Variants in DENND4C observed in about 807,000 individuals in gnomAD.
The protein encoded by DENND4C is DENN domain-containing protein 4C.
A neutral mutation model predicts 203.0 loss-of-function variants in DENND4C; 108 were observed. The ratio of observed to expected loss-of-function variants is 0.53; its 90% confidence interval spans 0.46 to 0.62. The LOEUF (loss-of-function observed/expected upper bound fraction) is 0.62, where lower values mean the gene tolerates loss of function less well. DENND4C is among the 20% of genes least tolerant of loss of function. The pLI is 0.00. For missense variants in DENND4C, 2,481 were observed against 2,301.2 expected (o/e 1.08, Z -1.60); for synonymous variants, 871 against 792.4 (o/e 1.10, Z -1.67).
At chr9:19,264,967 G>A (rs1166836812) in intron 1 of DENND4C, among the ~76,000 whole-genome samples, 1 of 151,920 alleles carries the variant, frequency 6.6e-6, no homozygotes, top group East Asian at 1.9e-4. Context: ...GTATCCTGTA[G>A]GTTTTAGTAT....
At chr9:19,298,766 A>T (rs1005812277) in intron 7 of DENND4C, among the ~76,000 whole-genome samples, 1 of 152,132 alleles carries the variant, frequency 6.6e-6, no homozygotes, top group Non-Finnish European at 1.5e-5. Flanking sequence ...GCACTGATCT[A>T]TAGAGGGAAG....
intron 10 of DENND4C, among the ~76,000 whole-genome samples, chr9:19,314,523 T>C (rs1287484542): frequency 6.6e-6 from 1 of 151,998 alleles, no homozygotes; most frequent in Admixed American, 6.6e-5. Context: ...AAGAACTAAT[T>C]CATGTAACCA....
intron 18 of DENND4C, among the ~76,000 whole-genome samples, chr9:19,335,418 T>A (rs1313150270): frequency 2.0e-5 from 3 of 152,132 alleles, no homozygotes; most frequent in African/African-American, 7.2e-5. Context: ...TTAACTGTAG[T>A]CCCCATGTTG....
At chr9:19,315,638 A>G (rs1841696653) in intron 10 of DENND4C, among the ~76,000 whole-genome samples, 1 of 150,664 alleles carries the variant, frequency 6.6e-6, no homozygotes, top group Admixed American at 6.6e-5. Context: ...ATATTTTCGG[A>G]ATATAAAATT....
chr9:19,263,320 T>C (rs1829800302), intron 1 of DENND4C, among the ~76,000 whole-genome samples: 1 of 152,128 alleles, frequency 6.6e-6, no homozygotes, highest in South Asian at 2.1e-4. Flanking sequence ...TTTTAATACG[T>C]TGTTGAATTT....
rs1276797672 is a variant in DENND4C, at chr9:19,335,046, T to C, written c.2530T>C (p.Phe844Leu). ...TCCTGTTTTAGCAGTGAGAGTCTTA[T>C]TTGAAATGAAAACTGCTAGGATAAA... The part of the protein sequence containing the change: ...GHPVLAVRVL[F>L]EMKTARIKPN... Residue 844 changes from phenylalanine to leucine, a missense_variant, in exon 18 of 33, where the codon TTT becomes CTT. Physicochemically the swap from Phe to Leu is conservative, Grantham distance 22. Around this residue, in one of 3 missense-constraint regions of DENND4C, gnomAD observed 2,289 missense variants for 2,113.3 expected, o/e 1.08. Transcript: ENST00000434457. The C allele has an allele frequency of 6.2e-7, 1 of 1,612,896 alleles. No individual in the cohort carries two copies. The highest frequency in any genetic ancestry group is 2.2e-5 in the East Asian group (1 of 44,826).
At chr9:19,350,176 T>C (rs73648906) in intron 23 of DENND4C, among the ~76,000 whole-genome samples, 7,824 of 152,274 alleles carry the variant, frequency 0.051, 634 homozygotes, top group African/African-American at 0.17. Context: ...CTAATATTGA[T>C]ATTTGTTATT....
intron 12 of DENND4C, among the ~76,000 whole-genome samples, chr9:19,319,035 G>A (rs1325109066): frequency 6.6e-6 from 1 of 151,812 alleles, no homozygotes; most frequent in Admixed American, 6.6e-5. Context: ...CAGGCATGGT[G>A]GTGCATGCCT....
chr9:19,325,057 A>G lies in DENND4C; in HGVS notation c.1953+550A>G, dbSNP rs148064546. Among the ~76,000 whole-genome samples, 224 of 152,222 alleles carry G rather than the reference A, an allele frequency of 1.5e-3. 3 individuals are homozygous for G. The highest frequency in any genetic ancestry group is 0.013 in the East Asian group (67 of 5,170). The stretch of plus-strand genomic sequence containing the variant: ...TAAATCTCACTTTCGTTTTACAACT[A>G]TTGAGTTGTAAAACTAAGAACATTT... On this transcript the variant is annotated intron_variant, in intron 13 of 32. Coordinates refer to ENST00000434457, the MANE Select transcript of DENND4C (RefSeq NM_001330640.2).
In DENND4C at chr9:19,250,487, C is replaced by T. The variant is rs543025247; in HGVS notation, c.-18+19654C>T. Among the ~76,000 whole-genome samples, 14 of 152,160 alleles carry T rather than the reference C, an allele frequency of 9.2e-5. No homozygotes were observed. In the South Asian group the frequency reaches 2.9e-3, roughly 32 times the overall value. On this transcript the variant is annotated intron_variant, in intron 1 of 32. Transcript: ENST00000434457. ...AGTGATCTGCCCCCGCTCAGCCTCCCAAAGTGTTTAGATTACAAACGTGAG... is the reference window on the plus strand; with the variant it reads ...AGTGATCTGCCCCCGCTCAGCCTCCTAAAGTGTTTAGATTACAAACGTGAG...
At chr9:19,318,859 G>T (rs1842274494) in intron 12 of DENND4C, among the ~76,000 whole-genome samples, 1 of 152,008 alleles carries the variant, frequency 6.6e-6, no homozygotes, top group African/African-American at 2.4e-5. Flanking sequence ...GAGGTACTAG[G>T]GGCTAGGAAC....
rs370771934 is a variant in DENND4C at position 19,372,239 on chromosome 9, G to GT, written c.*75dup. Reference sequence around the variant, plus strand: ...TTAGATTTCATCTGGAAACATTCAAGTTTTTTTTTCCAAATCGTAAGAACT... The same window carrying GT: ...TTAGATTTCATCTGGAAACATTCAAGTTTTTTTTTTCCAAATCGTAAGAACT... On this transcript the variant is annotated 3_prime_UTR_variant, in exon 33 of 33. Transcript: ENST00000434457. The GT allele has an allele frequency of 1.1e-3, 1,675 of 1,521,190 alleles. No individual in the cohort carries two copies. Among genetic ancestry groups the GT allele is most frequent in the South Asian group, 2.1e-3 (166 of 79,684 alleles). The allele number at this position is 1,521,190 out of a possible 1,614,324, so 94.2% of individuals were successfully genotyped here.
At chr9:19,252,744 CT>C (rs201231674) in intron 1 of DENND4C, among the ~76,000 whole-genome samples, 136 of 140,666 alleles carry the variant, frequency 9.7e-4, no homozygotes, top group South Asian at 1.1e-3. Context: ...CACACACATA[CT>C]TTTTTTTTTT....
chr9:19,305,603 A>G (rs1664022996), intron 10 of DENND4C, 76 bp downstream of exon 10: 10 of 1,390,166 alleles, frequency 7.2e-6, no homozygotes, highest in East Asian at 4.6e-5. Context: ...GAAAGCATCT[A>G]GAAATATGCT....
Position 19,336,299 on chromosome 9 carries a change from T to C in DENND4C, c.2619T>C (p.Ser873=). ...TCTTGGAGAGCCCGTGGCCTAGCAGTACCCGCAGTGGTATTTTCTTATGGA... is the reference window on the plus strand; with the variant it reads ...TCTTGGAGAGCCCGTGGCCTAGCAGCACCCGCAGTGGTATTTTCTTATGGA... The part of the protein sequence containing the change: ...KVVLESPWPS[S]TRSGIFLWTK... The change falls in exon 19 of 33, where the codon AGT becomes AGC. Residue 873 remains serine, a synonymous_variant. Coordinates refer to ENST00000434457, the MANE Select transcript of DENND4C (RefSeq NM_001330640.2). The C allele has an allele frequency of 1.2e-6, 2 of 1,614,080 alleles. No homozygotes were observed. The highest frequency in any genetic ancestry group is 8.5e-7 in the Non-Finnish European group (1 of 1,179,970).
chr9:19,266,576 A>C (rs1032042881), intron 1 of DENND4C, among the ~76,000 whole-genome samples: 3 of 152,202 alleles, frequency 2.0e-5, no homozygotes, highest in African/African-American at 7.2e-5. Flanking sequence ...ACTTCAAACT[A>C]TACTACAAGG....
chr9:19,266,198 G>A (rs2130748191), intron 1 of DENND4C, among the ~76,000 whole-genome samples: 1 of 152,300 alleles, frequency 6.6e-6, no homozygotes, highest in African/African-American at 2.4e-5. Flanking sequence ...GCATTTCTCT[G>A]ATGGCCAGTG....
intron 1 of DENND4C, among the ~76,000 whole-genome samples, chr9:19,262,434 C>T (rs113609575): frequency 6.9e-6 from 1 of 144,040 alleles, no homozygotes; most frequent in African/African-American, 2.6e-5. Flanking sequence ...TACATTTTTC[C>T]AAATATATCA....
chr9:19,329,663 C>T (rs1373920874), intron 16 of DENND4C, among the ~76,000 whole-genome samples: 1 of 152,164 alleles, frequency 6.6e-6, no homozygotes, highest in Non-Finnish European at 1.5e-5. Flanking sequence ...ACATTCCCAC[C>T]AGTAGTGTAT....
Sources: allele counts gnomAD v4.1 joint callset (sites outside exome capture counted in the v4.1 genomes callset), GRCh38; gene constraint gnomAD v4.1.1; regional missense constraint gnomAD v4.1.1; transcripts MANE v1.5; gene names NCBI Gene and HGNC (gene_info 2026-07-23, HGNC 2026-07-21).